PPFIA1: variants seen among roughly 807,000 people sequenced by gnomAD.
PPFIA1 encodes liprin-alpha-1.
PPFIA1 carries 25 observed loss-of-function variants against 149.9 expected under a neutral mutation model. That is an observed-to-expected ratio of 0.17 (90% CI 0.12 to 0.23). The LOEUF (loss-of-function observed/expected upper bound fraction) is 0.23, where lower values mean the gene tolerates loss of function less well. Ranked by LOEUF, PPFIA1 falls within the 10% of genes least tolerant of loss-of-function variation. The pLI is 1.00. For synonymous variants in PPFIA1, 549 were observed against 552.8 expected (o/e 0.99, Z 0.10); for missense variants, 1,362 against 1,506.5 (o/e 0.90, Z 1.59).
intron 19 of PPFIA1, among the ~76,000 whole-genome samples, chr11:70,356,525 A>G (rs2056371111): frequency 6.6e-6 from 1 of 152,198 alleles, no homozygotes; most frequent in African/African-American, 2.4e-5. Context: ...TGAGCACTGG[A>G]GTCGGCCCTG....
At chr11:70,322,722 G>A (rs2054014365) in intron 2 of PPFIA1, among the ~76,000 whole-genome samples, 1 of 152,156 alleles carries the variant, frequency 6.6e-6, no homozygotes. Context: ...TGTTTATAAT[G>A]TCTATATATA....
intron 17 of PPFIA1, among the ~76,000 whole-genome samples, chr11:70,354,709 A>G (rs2056260500): frequency 1.3e-5 from 2 of 152,028 alleles, no homozygotes; most frequent in African/African-American, 2.4e-5. Context: ...CAAGTTTTGG[A>G]AAAACTTCAT....
chr11:70,362,319 C>G lies in PPFIA1; in HGVS notation c.2696C>G (p.Ala899Gly), dbSNP rs928691753. The G allele has an allele frequency of 1.2e-6, 2 of 1,614,090 alleles. No individual in the cohort carries two copies. The highest frequency in any genetic ancestry group is 2.7e-5 in the African/African-American group (2 of 74,940). Residue 899 changes from alanine (A) to glycine (G), a missense_variant, in exon 21 of 28, where the codon GCT becomes GGT. Ala to Gly is a moderately conservative substitution (Grantham distance 60, BLOSUM62 0). Around this residue, in one of 7 missense-constraint regions of PPFIA1, gnomAD observed 8 missense variants for 26.5 expected, o/e 0.30. Transcript: ENST00000253925. ...LWVGMPAWYVAACRANVKSGA... is the reference protein window; with the variant it reads ...LWVGMPAWYVGACRANVKSGA... ...GTTGGGATGCCAGCCTGGTATGTGG[C>G]TGCCTGCCGAGCAAACGTGAAAAGC... is the stretch of plus-strand genomic sequence containing the variant.
At chr11:70,303,629 C>A (rs991662372) in intron 2 of PPFIA1, among the ~76,000 whole-genome samples, 1 of 152,192 alleles carries the variant, frequency 6.6e-6, no homozygotes, top group African/African-American at 2.4e-5. Flanking sequence ...AGCTCCTGGA[C>A]TCTCTGGAGT....
intron 2 of PPFIA1, among the ~76,000 whole-genome samples, chr11:70,301,576 T>G (rs375498650): frequency 8.5e-5 from 13 of 152,214 alleles, no homozygotes; most frequent in Non-Finnish European, 1.6e-4. Flanking sequence ...TAGACAAATA[T>G]AGTTATTGCA....
At chr11:70,287,101 C>T (rs1464981531) in intron 2 of PPFIA1, among the ~76,000 whole-genome samples, 1 of 151,756 alleles carries the variant, frequency 6.6e-6, no homozygotes, top group Admixed American at 6.6e-5. Flanking sequence ...GATTCGCCCA[C>T]CTCAGCCTCC....
rs1485198104 is a variant in PPFIA1, at chr11:70,382,103, C to T, written c.3566C>T (p.Thr1189Ile). ...GTTGAAACAGGCAATGTATCAGGAA[C>T]ACAGAGGTTGGATTCTGCTACAGTC... Reference protein sequence around the residue: ...KMQMDGNVSGTQRLDSATVRT... With the variant: ...KMQMDGNVSGIQRLDSATVRT... The change falls in exon 27 of 28, where the codon ACA becomes ATA. Residue 1189 changes from threonine to isoleucine, a missense_variant. Thr to Ile is a moderately conservative substitution (Grantham distance 89). Around this residue, in one of 7 missense-constraint regions of PPFIA1, gnomAD observed 349 missense variants for 373.3 expected, o/e 0.93. Transcript: ENST00000253925. 2 of 1,614,098 alleles carry T rather than the reference C, an allele frequency of 1.2e-6. No homozygotes were observed. Among genetic ancestry groups the T allele is most frequent in the Admixed American group, 3.3e-5 (2 of 60,014 alleles).
intron 2 of PPFIA1, among the ~76,000 whole-genome samples, chr11:70,294,150 C>T (rs1037345540): frequency 6.6e-6 from 1 of 152,008 alleles, no homozygotes; most frequent in African/African-American, 2.4e-5. Flanking sequence ...CCATGTTTCC[C>T]AGGCTGGTCT....
rs570677777 is a variant in PPFIA1, at chr11:70,337,438, CTT to C, written c.1491+12_1491+13del. ...ACACAACACGATAAGGTACTGAAATCTTCTCTAAATCCATGAAGAGCCAAGTT... is the reference window on the plus strand; with the variant it reads ...ACACAACACGATAAGGTACTGAAATCCTCTAAATCCATGAAGAGCCAAGTT... On this transcript the variant is annotated intron_variant, in intron 12 of 27. Coordinates refer to ENST00000253925, the MANE Select transcript of PPFIA1 (RefSeq NM_003626.5). The C allele has an allele frequency of 3.0e-4, 465 of 1,573,302 alleles. 2 individuals carry two copies. In the African/African-American group the frequency reaches 4.4e-3, roughly 15 times the overall value.
intron 2 of PPFIA1, among the ~76,000 whole-genome samples, chr11:70,295,985 G>A (rs1231889424): frequency 2.0e-5 from 3 of 151,250 alleles, no homozygotes; most frequent in Non-Finnish European, 4.4e-5. Context: ...GGGCAGAGAC[G>A]CTCCTCACCT....
intron 2 of PPFIA1, among the ~76,000 whole-genome samples, chr11:70,285,948 T>A (rs1272430849): frequency 6.6e-6 from 1 of 152,100 alleles, no homozygotes; most frequent in Admixed American, 6.6e-5. Context: ...AAACCAAACT[T>A]ACATAGTTCG....
At chr11:70,369,340 T>G (rs2057114413) in intron 21 of PPFIA1, among the ~76,000 whole-genome samples, 1 of 152,220 alleles carries the variant, frequency 6.6e-6, no homozygotes, top group Admixed American at 6.5e-5. Flanking sequence ...TAAGCCATAC[T>G]TGTCATGATA....
chr11:70,315,967 T>C (rs1458369519), intron 2 of PPFIA1, among the ~76,000 whole-genome samples: 2 of 152,308 alleles, frequency 1.3e-5, no homozygotes, highest in African/African-American at 4.8e-5. Flanking sequence ...ATAAGTGGAA[T>C]TCTACAGTGT....
intron 13 of PPFIA1, among the ~76,000 whole-genome samples, chr11:70,338,876 G>A (rs1320775645): frequency 1.3e-5 from 2 of 152,204 alleles, no homozygotes; most frequent in Admixed American, 1.3e-4. Context: ...CCAGACACCT[G>A]GACCCAGAGG....
At chr11:70,295,357 T>G (rs1466405256) in intron 2 of PPFIA1, among the ~76,000 whole-genome samples, 4 of 115,816 alleles carry the variant, frequency 3.5e-5, no homozygotes, top group African/African-American at 9.5e-5. Flanking sequence ...CCCTCCCGGA[T>G]GGGGCGGCTG....
At chr11:70,302,964 C>A (rs189545889) in intron 2 of PPFIA1, among the ~76,000 whole-genome samples, 1 of 152,024 alleles carries the variant, frequency 6.6e-6, no homozygotes, top group South Asian at 2.1e-4. Context: ...CCTTTGATTC[C>A]TCTGAGATAC....
At chr11:70,277,037 GATATAT>G (rs1287413641) in intron 2 of PPFIA1, among the ~76,000 whole-genome samples, 1 of 79,208 alleles carries the variant, frequency 1.3e-5, no homozygotes, top group African/African-American at 9.0e-5. Context: ...GTTTGATTGA[GATATAT>G]ATATATATAT....
At position 70,295,142 on chromosome 11, in the gene PPFIA1, C is replaced by T. The variant is rs1439013410; in HGVS notation, c.264+22706C>T. Among the ~76,000 whole-genome samples, 9 of 151,202 alleles carry T rather than the reference C, an allele frequency of 6.0e-5. 1 individual carries two copies. Among genetic ancestry groups the T allele is most frequent in the Admixed American group, 3.3e-4 (5 of 15,232 alleles). ...CCCAGTAGGGGCGGCCGGGCAGAGG[C>T]GCTCCTCACCTCCTGGGTGGGGCGG... is the stretch of plus-strand genomic sequence containing the variant. On this transcript the variant is annotated intron_variant, in intron 2 of 27. Transcript: ENST00000253925.
intron 2 of PPFIA1, among the ~76,000 whole-genome samples, chr11:70,310,248 C>T (rs180745808): frequency 3.3e-5 from 5 of 152,254 alleles, no homozygotes; most frequent in Admixed American, 6.5e-5. Context: ...GAAGAGACCA[C>T]GTCTTGAATT....
Sources: allele counts gnomAD v4.1 joint callset (sites outside exome capture counted in the v4.1 genomes callset), GRCh38; gene constraint gnomAD v4.1.1; regional missense constraint gnomAD v4.1.1; transcripts MANE v1.5; gene names NCBI Gene and HGNC (gene_info 2026-07-23, HGNC 2026-07-21).